The following CCDC68 variants were observed in gnomAD, a reference collection of about 807,000 sequenced individuals.
CCDC68 encodes the protein coiled-coil domain-containing protein 68.
A neutral mutation model predicts 47.1 loss-of-function variants in CCDC68; 45 were observed. The ratio of observed to expected loss-of-function variants is 0.96; its 90% CI spans 0.75 to 1.23. The LOEUF is 1.23. Ranked by LOEUF, CCDC68 falls within the 50% of genes most tolerant of loss-of-function variation. The pLI, the probability that CCDC68 is intolerant of heterozygous loss-of-function variation, is 0.00. For missense variants in CCDC68, 353 were observed against 373.6 expected, an observed-to-expected ratio of 0.94 and a Z score of 0.45; for synonymous variants, 131 against 129.5, an observed-to-expected ratio of 1.01 and a Z score of -0.08.
intron 10 of CCDC68, among the ~76,000 whole-genome samples, chr18:54,916,072 ACT>A (rs995392846): frequency 6.6e-6 from 1 of 152,160 alleles, no homozygotes; most frequent in Non-Finnish European, 1.5e-5. Flanking sequence ...ATACAAGGGG[ACT>A]CCACTGTGAC....
At chr18:54,925,194 GC>G (rs1204819046) in intron 8 of CCDC68, among the ~76,000 whole-genome samples, 1 of 152,150 alleles carries the variant, frequency 6.6e-6, no homozygotes, top group Non-Finnish European at 1.5e-5. Flanking sequence ...TCCCCTGTGA[GC>G]AAGTCTGTAG....
At chr18:54,928,022 G>A (rs78550195) in intron 8 of CCDC68, among the ~76,000 whole-genome samples, 1,554 of 152,266 alleles carry the variant, frequency 0.01, 36 homozygotes, top group African/African-American at 0.035. Context: ...ATACCCTAGT[G>A]AACAACAGTT....
chr18:54,940,268 A>G (rs2044414205), intron 4 of CCDC68, among the ~76,000 whole-genome samples: 1 of 152,176 alleles, frequency 6.6e-6, no homozygotes, highest in Admixed American at 6.5e-5. Context: ...AGAAGCCTCT[A>G]CTTGGAGGTC....
intron 9 of CCDC68, among the ~76,000 whole-genome samples, chr18:54,918,454 G>A (rs138031136): frequency 2.6e-5 from 4 of 152,304 alleles, no homozygotes; most frequent in African/African-American, 9.6e-5. Flanking sequence ...TGGGAGGTGG[G>A]GTGATGAGAT....
Position 54,933,545 on chromosome 18 carries a change from T to C in CCDC68, c.600+1275A>G, listed in dbSNP as rs144392483. Among the ~76,000 whole-genome samples, 1,091 of 152,358 alleles carry C rather than the reference T, an allele frequency of 7.2e-3. 12 individuals carry two copies. The highest frequency in any genetic ancestry group is 0.051 in the Middle Eastern group (15 of 294). ...TTTCCCAGAATTGTCTTTCTTTCCT[T>C]AATGCAAACATTCTTTGTGCTATCT... On this transcript the variant is annotated intron_variant, in intron 7 of 11. Transcript: ENST00000591504.
chr18:54,929,984 G>A (rs1048941965), intron 7 of CCDC68, among the ~76,000 whole-genome samples: 1 of 152,086 alleles, frequency 6.6e-6, no homozygotes, highest in African/African-American at 2.4e-5. Context: ...GAATTTCCCT[G>A]TGTTCGCTTT....
chr18:54,905,624 T>A (rs919147891), intron 11 of CCDC68, among the ~76,000 whole-genome samples: 3 of 152,146 alleles, frequency 2.0e-5, no homozygotes, highest in Non-Finnish European at 4.4e-5. Context: ...TGAATCCAGA[T>A]TTACCAAACC....
chr18:54,911,759 C>G (rs1914383740), intron 10 of CCDC68, among the ~76,000 whole-genome samples: 1 of 152,170 alleles, frequency 6.6e-6, no homozygotes, highest in South Asian at 2.1e-4. Flanking sequence ...TGTGACAGGA[C>G]AATTAGGTAA....
chr18:54,947,048 G>A (rs2044540284), intron 1 of CCDC68, among the ~76,000 whole-genome samples: 1 of 152,108 alleles, frequency 6.6e-6, no homozygotes, highest in Non-Finnish European at 1.5e-5. Context: ...AGAGTCCTTG[G>A]TTGGTATAAA....
chr18:54,936,179 T>C (rs2044340489), intron 6 of CCDC68, among the ~76,000 whole-genome samples: 4 of 145,260 alleles, frequency 2.8e-5, no homozygotes, highest in African/African-American at 5.0e-5. Flanking sequence ...ATTATAATTA[T>C]ATAGATAAAT....
At chr18:54,921,501 T>C (rs923269259) in intron 8 of CCDC68, among the ~76,000 whole-genome samples, 6 of 152,178 alleles carry the variant, frequency 3.9e-5, no homozygotes, top group African/African-American at 1.4e-4. Context: ...GATAGGAGAA[T>C]GTTTGGGAGT....
At chr18:54,940,946 C>T in intron 4 of CCDC68, 51 bp downstream of exon 4, 1 of 1,368,206 alleles carries the variant, frequency 7.3e-7, no homozygotes, top group Non-Finnish European at 1.0e-6. Context: ...CCAAAAATTA[C>T]TTTAAAAAGT....
At chr18:54,945,966 C>T (rs953897961) in intron 1 of CCDC68, among the ~76,000 whole-genome samples, 15 of 152,186 alleles carry the variant, frequency 9.9e-5, no homozygotes, top group African/African-American at 3.6e-4. Context: ...GAGCTCAATC[C>T]AGTTTCCCTC....
chr18:54,932,379 C>A (rs1020038001), intron 7 of CCDC68, among the ~76,000 whole-genome samples: 1 of 151,740 alleles, frequency 6.6e-6, no homozygotes, highest in Non-Finnish European at 1.5e-5. Flanking sequence ...TTAGGAGAGA[C>A]AGGGTTTCAC....
At chr18:54,936,990 A>G (rs1458216691) in intron 5 of CCDC68, 32 bp from the exon 6 acceptor site, 2 of 1,612,984 alleles carry the variant, frequency 1.2e-6, no homozygotes. Context: ...ATGTTCTGAC[A>G]TTTACAACAA....
At chr18:54,915,167 A>T (rs1222027826) in intron 10 of CCDC68, among the ~76,000 whole-genome samples, 13 of 152,272 alleles carry the variant, frequency 8.5e-5, no homozygotes, top group Admixed American at 8.5e-4. Flanking sequence ...TAATTAAAGC[A>T]GTAAGCTATT....
In CCDC68 at chr18:54,928,781, A is replaced by C; in HGVS notation, c.683+19T>G. The stretch of plus-strand genomic sequence containing the variant: ...AAGAAATCAGGAACTGCCTTTACTT[A>C]ACAGGTAGCTTCACAAACCTTTTTC... On this transcript the variant is annotated intron_variant, in intron 8 of 11. Transcript: ENST00000591504. 1 of 1,551,924 alleles carries C rather than the reference A, an allele frequency of 6.4e-7. No homozygotes were observed.
intron 1 of CCDC68, among the ~76,000 whole-genome samples, chr18:54,952,715 T>G (rs534831984): frequency 3.9e-5 from 6 of 152,202 alleles, no homozygotes; most frequent in African/African-American, 1.4e-4. Flanking sequence ...ATACAACTCC[T>G]CATTAAGAAG....
At chr18:54,924,131 G>T (rs1337298483) in intron 8 of CCDC68, among the ~76,000 whole-genome samples, 1 of 152,160 alleles carries the variant, frequency 6.6e-6, no homozygotes, top group South Asian at 2.1e-4. Flanking sequence ...CATAATTTTT[G>T]ATCATGTTTT....
Sources: gnomAD v4.1 joint callset for allele counts (sites outside exome capture counted in the v4.1 genomes callset) on GRCh38, gnomAD v4.1.1 for gene constraint, MANE v1.5 for transcripts, NCBI Gene and HGNC (gene_info 2026-07-23, HGNC 2026-07-21) for gene names.